Variants in LRIG2 observed in about 807,000 individuals in gnomAD.
LRIG2 encodes the protein leucine rich repeats and immunoglobulin like domains 2, also known as leucine-rich repeats and immunoglobulin-like domains protein 2.
In LRIG2, 93 loss-of-function variants were observed where a neutral mutation model predicts 107.8. The observed-to-expected ratio is 0.86, with a 90% CI of 0.73 to 1.03. The LOEUF (loss-of-function observed/expected upper bound fraction) is 1.03. Ranked by LOEUF, LRIG2 falls within the 50% of genes least tolerant of loss-of-function variation. LRIG2 has a pLI of 0.00. For missense variants in LRIG2, 1,226 were observed against 1,296.0 expected, an observed-to-expected ratio of 0.95 and a Z score of 0.83; for synonymous variants, 471 against 470.6, an observed-to-expected ratio of 1.00 and a Z score of -0.01.
chr1:113,093,675 A>G (rs12124473), intron 4 of LRIG2, 111 bp downstream of exon 4: 7,098 of 604,306 alleles, frequency 0.012, 76 homozygotes, highest in East Asian at 0.023. Context: ...CTAATGCTAG[A>G]TGACGAGTTA....
intron 1 of LRIG2, among the ~76,000 whole-genome samples, chr1:113,082,053 G>A (rs1219008720): frequency 2.0e-5 from 3 of 152,200 alleles, no homozygotes; most frequent in Non-Finnish European, 1.5e-5. Context: ...AAGCTGCTAT[G>A]TTTCCAGAAT....
intron 1 of LRIG2, among the ~76,000 whole-genome samples, chr1:113,080,270 T>C (rs959607161): frequency 5.3e-5 from 8 of 152,050 alleles, no homozygotes; most frequent in African/African-American, 9.7e-5. Flanking sequence ...TGGCCCACTT[T>C]GGCCTTCCAA....
chr1:113,085,571 A>G (rs1055599644), intron 1 of LRIG2, among the ~76,000 whole-genome samples: 25 of 152,222 alleles, frequency 1.6e-4, no homozygotes, highest in Admixed American at 1.6e-3. Context: ...GGCGTGAACC[A>G]CTGTGCGCGG....
Position 113,110,252 on chromosome 1 carries a change from C to G in LRIG2, c.1488C>G (p.Leu496=). The part of the protein sequence containing the change: ...DLKDFVCDDF[L]KPQIRTHPET... ...TTTTTTTCCCCTTAGATGATTTTCT[C>G]AAGCCACAGATAAGGACACATCCTG... Residue 496 remains leucine (L), a synonymous_variant, in exon 13 of 18, where the codon CTC becomes CTG. Coordinates refer to ENST00000361127, the MANE Select transcript of LRIG2 (RefSeq NM_014813.3). 6.3e-7 allele frequency: 1 copy of G among 1,578,588 alleles called. No homozygotes were observed. The highest frequency in any genetic ancestry group is 1.2e-5 in the South Asian group (1 of 86,828).
Position 113,124,231 on chromosome 1 carries a change from C to T in LRIG2, c.*130C>T. 4 of 767,118 alleles carry T rather than the reference C, an allele frequency of 5.2e-6. No individual in the cohort carries two copies. The highest frequency in any genetic ancestry group is 8.4e-6 in the Non-Finnish European group (4 of 474,276). The allele number at this position is 767,118 out of a possible 1,614,324, so 47.5% of individuals were successfully genotyped here. On this transcript the variant is annotated 3_prime_UTR_variant, in exon 18 of 18. Coordinates refer to ENST00000361127, the MANE Select transcript of LRIG2 (RefSeq NM_014813.3). ...TCTTTATGATTGCATCTGACCGCAC[C>T]AAGGTGGGCCATGCGTTGTTTGGTC...
At chr1:113,088,487 A>G (rs1653654036) in intron 1 of LRIG2, among the ~76,000 whole-genome samples, 1 of 152,190 alleles carries the variant, frequency 6.6e-6, no homozygotes, top group African/African-American at 2.4e-5. Flanking sequence ...ATTATTGACA[A>G]TCATAGGAGA....
In LRIG2 at chr1:113,100,438, T is replaced by C. The variant is rs1478414054; in HGVS notation, c.1263T>C (p.Ala421=). 5.2e-6 allele frequency: 8 copies of C among 1,538,494 alleles called. No individual in the cohort carries two copies. The highest frequency in any genetic ancestry group is 6.3e-6 in the Non-Finnish European group (7 of 1,115,876). The change falls in exon 11 of 18, where the codon GCT becomes GCC. Residue 421 remains alanine, a synonymous_variant. Coordinates refer to ENST00000361127, the MANE Select transcript of LRIG2 (RefSeq NM_014813.3). The part of the protein sequence containing the change: ...SLEHLDLNNN[A]IMSIQENAFS... ...ATTTCAGAGATTTGAACAATAATGC[T>C]ATAATGTCTATCCAAGAAAATGCTT...
At position 113,093,478 on chromosome 1, in the gene LRIG2, C is replaced by G. The variant is rs932072316; in HGVS notation, c.429C>G (p.Tyr143Ter). 6 of 1,612,522 alleles carry G rather than the reference C, an allele frequency of 3.7e-6. No homozygotes were observed. The highest frequency in any genetic ancestry group is 5.1e-6 in the Non-Finnish European group (6 of 1,178,656). Residue 143 changes from tyrosine (Y) to a stop codon, truncating the protein, a stop_gained, in exon 4 of 18, where the codon TAC becomes TAG. Transcript: ENST00000361127. LOFTEE classifies it high-confidence loss of function. ...PEINAQALQF[Y>*]PALESLDLSS... ...TAAATGCACAGGCACTCCAGTTTTA[C>G]CCTGCTCTGGAGAGTTTAGACCTCA...
Position 113,109,950 on chromosome 1 carries a change from CAGGTG to C in LRIG2, c.1478-290_1478-286del, listed in dbSNP as rs1654700219. Among the ~76,000 whole-genome samples the C allele has an allele frequency of 5.9e-5, 9 of 152,268 alleles. No individual in the cohort carries two copies. In the South Asian group the frequency reaches 1.9e-3, roughly 32 times the overall value. On this transcript the variant is annotated intron_variant, in intron 12 of 17. Coordinates refer to ENST00000361127, the MANE Select transcript of LRIG2 (RefSeq NM_014813.3). The stretch of plus-strand genomic sequence containing the variant: ...GCTTGAGAAATATATTCTGAGCACA[CAGGTG>C]ACAGTAAGGGCTAGTAGAAAAGTGC...
intron 1 of LRIG2, among the ~76,000 whole-genome samples, chr1:113,078,258 A>C (rs2101013244): frequency 6.8e-6 from 1 of 148,144 alleles, no homozygotes; most frequent in East Asian, 2.0e-4. Flanking sequence ...TTTTTTTTTC[A>C]GATGGAGTCT....
chr1:113,107,517 T>G, intron 11 of LRIG2, 77 bp from the exon 12 acceptor site: 2 of 1,308,940 alleles, frequency 1.5e-6, no homozygotes, highest in Non-Finnish European at 2.1e-6. Flanking sequence ...GATAGGTGTG[T>G]GGTAAGGTTT....
chr1:113,110,495 A>G lies in LRIG2; in HGVS notation c.1731A>G (p.Lys577=), dbSNP rs756206294. The part of the protein sequence containing the change: ...LFNVNFTDEG[K]YQCIVTNHFG... ...ATGTGAATTTCACAGATGAAGGAAA[A>G]TATCAGTGTATTGTTACTAATCACT... The change falls in exon 13 of 18, where the codon AAA becomes AAG. Residue 577 remains lysine, a synonymous_variant. Coordinates refer to ENST00000361127, the MANE Select transcript of LRIG2 (RefSeq NM_014813.3). 4 of 1,613,478 alleles carry G rather than the reference A, an allele frequency of 2.5e-6. No homozygotes were observed. In the South Asian group the frequency reaches 3.3e-5, roughly 13 times the overall value.
intron 12 of LRIG2, among the ~76,000 whole-genome samples, chr1:113,109,209 C>T (rs1654667979): frequency 6.6e-6 from 1 of 152,208 alleles, no homozygotes; most frequent in South Asian, 2.1e-4. Context: ...TCTTCCTCCC[C>T]TTCCACTTAA....
intron 11 of LRIG2, among the ~76,000 whole-genome samples, chr1:113,105,223 C>T (rs1257141757): frequency 6.6e-6 from 1 of 152,128 alleles, no homozygotes; most frequent in Non-Finnish European, 1.5e-5. Context: ...CAGTAGCTTC[C>T]TTCACTTCTG....
intron 11 of LRIG2, among the ~76,000 whole-genome samples, chr1:113,101,689 TC>T (rs1174765900): frequency 6.6e-6 from 1 of 152,204 alleles, no homozygotes; most frequent in Non-Finnish European, 1.5e-5. Flanking sequence ...TAGGTTCAAA[TC>T]CTTACTCCAT....
intron 14 of LRIG2, 89 bp from the exon 15 acceptor site, chr1:113,114,338 T>C: frequency 1.3e-6 from 1 of 741,018 alleles, no homozygotes; most frequent in South Asian, 1.9e-5. Context: ...ACTCATTTTA[T>C]TATACCCCCA....
At chr1:113,116,153 A>C in intron 15 of LRIG2, 134 bp from the exon 16 acceptor site, 1 of 563,778 alleles carries the variant, frequency 1.8e-6, no homozygotes, top group Non-Finnish European at 3.1e-6. Context: ...GGGAAGTACC[A>C]AGAGCTGTTG....
rs1655401103 is a variant in LRIG2 at position 113,124,367 on chromosome 1, C to T, written c.*266C>T. Reference sequence around the variant, plus strand: ...GGGCAAATGTGCTTCCTGATGCTTCCATGGGGATGTGCCCTGGTGTGCATC... The same window carrying T: ...GGGCAAATGTGCTTCCTGATGCTTCTATGGGGATGTGCCCTGGTGTGCATC... On this transcript the variant is annotated 3_prime_UTR_variant, in exon 18 of 18. Transcript: ENST00000361127. 5.9e-6 allele frequency: 3 copies of T among 506,984 alleles called. No homozygotes were observed. Among genetic ancestry groups the T allele is most frequent in the Non-Finnish European group, 1.1e-5 (3 of 279,124 alleles). The allele number at this position is 506,984 out of a possible 1,614,324, so 31.4% of individuals were successfully genotyped here. A position where few individuals can be genotyped will look rare whatever the true frequency, so the allele number is the denominator to read the frequency against.
intron 1 of LRIG2, among the ~76,000 whole-genome samples, chr1:113,077,028 A>G (rs1025972111): frequency 1.3e-5 from 2 of 152,230 alleles, no homozygotes; most frequent in African/African-American, 2.4e-5. Flanking sequence ...GTACCAAAAC[A>G]TTAAGAAGTA....
Sources: allele counts gnomAD v4.1 joint callset (sites outside exome capture counted in the v4.1 genomes callset), GRCh38; gene constraint gnomAD v4.1.1; transcripts MANE v1.5; gene names NCBI Gene and HGNC (gene_info 2026-07-23, HGNC 2026-07-21).